Variants in PLPP7 observed in about 807,000 individuals in gnomAD.
PLPP7 encodes inactive phospholipid phosphatase 7.
In PLPP7, 11 loss-of-function variants were observed where a neutral mutation model predicts 16.9. The observed-to-expected ratio is 0.65, with a 90% CI of 0.41 to 1.08. The LOEUF (loss-of-function observed/expected upper bound fraction) is 1.08. PLPP7 is among the 50% of genes least tolerant of loss of function. The pLI is 0.00. For missense variants in PLPP7, 358 were observed against 397.1 expected (o/e 0.90, Z 0.84); for synonymous variants, 174 against 175.1 (o/e 0.99, Z 0.05).
At chr9:131,293,494 A>G (rs1264392454) in intron 1 of PLPP7, among the ~76,000 whole-genome samples, 1 of 152,210 alleles carries the variant, frequency 6.6e-6, no homozygotes, top group African/African-American at 2.4e-5. Flanking sequence ...TGGCCAAGGC[A>G]GGCTCTAATC....
chr9:131,298,376 A>C (rs922593536), intron 1 of PLPP7, among the ~76,000 whole-genome samples: 1 of 152,004 alleles, frequency 6.6e-6, no homozygotes, highest in African/African-American at 2.4e-5. Context: ...CCTCCTCCCA[A>C]CCCAGCCGGA....
At chr9:131,291,294 T>C (rs1331091422) in intron 1 of PLPP7, 17 of 1,241,208 alleles carry the variant, frequency 1.4e-5, no homozygotes, top group Admixed American at 2.7e-5. Context: ...TCTTTCCCGG[T>C]GTGGCCATCA....
At position 131,290,175 on chromosome 9, in the gene PLPP7, C is replaced by A; in HGVS notation, c.178C>A (p.Arg60Ser). The A allele has an allele frequency of 1.9e-6, 3 of 1,583,564 alleles. No individual in the cohort carries two copies. The highest frequency in any genetic ancestry group is 1.2e-5 in the South Asian group (1 of 86,942). Residue 60 changes from arginine (R) to serine (S), a missense_variant, in exon 1 of 2, where the codon CGC becomes AGC. Transcript: ENST00000372264. The surrounding 1 kb of genome is among the most constrained non-coding windows in gnomAD (Gnocchi z 4.2). ...TGCTGGTGACGGGGCCAGAGAGCGA[C>A]GCCAGTCACAGCAGCTGCCAGAGGA... ...PPAGDGARER[R>S]QSQQLPEEDC...
In PLPP7 at chr9:131,308,529, C is replaced by T; in HGVS notation, c.*242C>T. ...TTGGACTCCAAGTCTCCTCTCTAGG[C>T]AGCCAGGACCCACCCATGGGGACAG... On this transcript the variant is annotated 3_prime_UTR_variant, in exon 2 of 2. Coordinates refer to ENST00000372264, the MANE Select transcript of PLPP7 (RefSeq NM_032728.4). 2 of 614,098 alleles carry T rather than the reference C, an allele frequency of 3.3e-6. No individual in the cohort carries two copies. Among genetic ancestry groups the T allele is most frequent in the Non-Finnish European group, 5.5e-6 (2 of 361,948 alleles). 38.0% of individuals were successfully genotyped at this position (614,098 alleles called of 1,614,324 possible).
chr9:131,298,801 C>G (rs1412902888), intron 1 of PLPP7, among the ~76,000 whole-genome samples: 5 of 152,218 alleles, frequency 3.3e-5, no homozygotes, highest in Admixed American at 1.3e-4. Context: ...CCACCAACCC[C>G]GAGGGACCTG....
rs776448456 is a variant in PLPP7, at chr9:131,308,051, G to A, written c.580G>A (p.Ala194Thr). ...CATCTACGCCTTCCCGGCCGGGCAC[G>A]CCAGCCGCGCCGCCATGGTGTCCAA... ...MDIYAFPAGHASRAAMVSKFF... is the reference protein window; with the variant it reads ...MDIYAFPAGHTSRAAMVSKFF... The change falls in exon 2 of 2, where the codon GCC becomes ACC. Residue 194 changes from alanine (A) to threonine (T), a missense_variant. Transcript: ENST00000372264. The A allele has an allele frequency of 6.9e-6, 11 of 1,600,918 alleles. No homozygotes were observed. Among genetic ancestry groups the A allele is most frequent in the East Asian group, 6.7e-5 (3 of 44,874 alleles).
At chr9:131,294,728 T>C (rs1271719475) in intron 1 of PLPP7, among the ~76,000 whole-genome samples, 1 of 152,124 alleles carries the variant, frequency 6.6e-6, no homozygotes, top group East Asian at 1.9e-4. Context: ...TGGAGTGCAG[T>C]GATAAGATCT....
intron 1 of PLPP7, among the ~76,000 whole-genome samples, chr9:131,304,329 G>A (rs1313529348): frequency 6.6e-6 from 1 of 152,214 alleles, no homozygotes; most frequent in East Asian, 1.9e-4. Context: ...TCTCCCCTGT[G>A]TTTCCGAAAT....
rs545266412 is a variant in PLPP7, at chr9:131,290,053, G to A, written c.56G>A (p.Arg19Gln). ...RARDRNNVLNRAEFLSLNQPP... is the reference protein window; with the variant it reads ...RARDRNNVLNQAEFLSLNQPP... The stretch of plus-strand genomic sequence containing the variant: ...CGGGACCGCAACAACGTCCTCAACC[G>A]GGCTGAGTTCCTGTCCCTGAACCAG... Residue 19 changes from arginine (R) to glutamine (Q), a missense_variant, in exon 1 of 2, where the codon CGG becomes CAG. Physicochemically the swap from Arg to Gln is conservative, Grantham distance 43 (BLOSUM62 1). Transcript: ENST00000372264. The surrounding 1 kb of genome is among the most constrained non-coding windows in gnomAD (Gnocchi z 4.2). 2.1e-5 allele frequency: 31 copies of A among 1,470,514 alleles called. No individual in the cohort carries two copies. The highest frequency in any genetic ancestry group is 5.8e-5 in the African/African-American group (4 of 69,550). 91.1% of individuals were successfully genotyped at this position (1,470,514 alleles called of 1,614,324 possible).
At chr9:131,292,931 T>C (rs72770719) in intron 1 of PLPP7, 81,847 of 985,052 alleles carry the variant, frequency 0.083, 3,725 homozygotes, top group Non-Finnish European at 0.091. Context: ...AAGATGAAGA[T>C]TTGAGTTGCC....
In PLPP7 at chr9:131,290,796, G is replaced by A. The variant is rs1353577833; in HGVS notation, c.451+348G>A. The stretch of plus-strand genomic sequence containing the variant: ...AAGGGAGACGGTCAGGGCTCTGGTG[G>A]GCATCCTGGAATGGGGTGTCACTGT... On this transcript the variant is annotated intron_variant, in intron 1 of 1. Transcript: ENST00000372264. This position sits in a 1 kb window ranked among gnomAD's most constrained non-coding sequence, Gnocchi z 4.2. Among the ~76,000 whole-genome samples the A allele has an allele frequency of 1.3e-5, 2 of 152,176 alleles. No homozygotes were observed. Among genetic ancestry groups the A allele is most frequent in the East Asian group, 1.9e-4 (1 of 5,188 alleles).
rs1260463437 is a variant in PLPP7 at position 131,290,320 on chromosome 9, G to T, written c.323G>T (p.Ser108Ile). 9 of 1,611,776 alleles carry T rather than the reference G, an allele frequency of 5.6e-6. No individual in the cohort carries two copies. Among genetic ancestry groups the T allele is most frequent in the Non-Finnish European group, 7.6e-6 (9 of 1,179,122 alleles). Residue 108 changes from serine to isoleucine, a missense_variant, in exon 1 of 2, where the codon AGT becomes ATT. Ser to Ile is a moderately radical substitution (Grantham distance 142). Transcript: ENST00000372264. The surrounding 1 kb of genome is among the most constrained non-coding windows in gnomAD (Gnocchi z 4.2). ...GCTGGCCGGGCGGCGTCCTGGGCCAGTGCCCGCTCCATGGTCAAGCTCATC... is the reference window on the plus strand; with the variant it reads ...GCTGGCCGGGCGGCGTCCTGGGCCATTGCCCGCTCCATGGTCAAGCTCATC... ...VCAGRAASWA[S>I]ARSMVKLIGI...
chr9:131,306,141 G>A (rs1835849394), intron 1 of PLPP7, among the ~76,000 whole-genome samples: 1 of 152,136 alleles, frequency 6.6e-6, no homozygotes. Flanking sequence ...GGAGGCTGAG[G>A]CAGGAGAATG....
intron 1 of PLPP7, among the ~76,000 whole-genome samples, chr9:131,304,334 C>T (rs1353774656): frequency 2.6e-5 from 4 of 152,132 alleles, no homozygotes; most frequent in African/African-American, 4.8e-5. Flanking sequence ...CCTGTGTTTC[C>T]GAAATGGGGA....
Position 131,289,774 on chromosome 9 carries a change from T to G in PLPP7, c.-224T>G. 1.3e-5 allele frequency: 5 copies of G among 398,030 alleles called. No individual in the cohort carries two copies. The highest frequency in any genetic ancestry group is 3.7e-5 in the East Asian group (1 of 27,252). 24.7% of individuals were successfully genotyped at this position (398,030 alleles called of 1,614,324 possible). A position where few individuals can be genotyped will look rare whatever the true frequency, so the allele number is the denominator to read the frequency against. ...AGGCTCTGCTGGTGCAGGCCCCGCA[T>G]TGGAGGGCTCGATTGGCTGCCCGGC... is the stretch of plus-strand genomic sequence containing the variant. On this transcript the variant is annotated 5_prime_UTR_variant, in exon 1 of 2. Transcript: ENST00000372264.
chr9:131,299,726 G>T (rs945972430), intron 1 of PLPP7, among the ~76,000 whole-genome samples: 5 of 152,214 alleles, frequency 3.3e-5, no homozygotes. Flanking sequence ...GTCACTATGT[G>T]CTTACTGCCC....
rs767783456 is a variant in PLPP7 at position 131,308,329 on chromosome 9, C to T, written c.*42C>T. ...CACAAGCCTCTGGGGGCAGGGCTGG[C>T]CCTAGAGAAGGGGCAGGGGGTGGCG... On this transcript the variant is annotated 3_prime_UTR_variant, in exon 2 of 2. Transcript: ENST00000372264. 3 of 1,540,070 alleles carry T rather than the reference C, an allele frequency of 1.9e-6. No individual in the cohort carries two copies. The highest frequency in any genetic ancestry group is 1.4e-5 in the African/African-American group (1 of 73,866).
At chr9:131,299,820 G>A (rs1422049638) in intron 1 of PLPP7, among the ~76,000 whole-genome samples, 1 of 152,200 alleles carries the variant, frequency 6.6e-6, no homozygotes, top group African/African-American at 2.4e-5. Flanking sequence ...CCAAGAACCG[G>A]CGGTGCCCAA....
chr9:131,297,914 C>T (rs560108346), intron 1 of PLPP7, among the ~76,000 whole-genome samples: 2 of 152,212 alleles, frequency 1.3e-5, no homozygotes, highest in East Asian at 3.9e-4. Context: ...TACTGGAAAT[C>T]CTATTTTATA....
Sources: allele counts gnomAD v4.1 joint callset (sites outside exome capture counted in the v4.1 genomes callset), GRCh38; gene constraint gnomAD v4.1.1; non-coding constraint Gnocchi (gnomAD v3.1); transcripts MANE v1.5; gene names NCBI Gene and HGNC (gene_info 2026-07-23, HGNC 2026-07-21).